The following GRIK4 variants were observed in gnomAD, a reference collection of about 807,000 sequenced individuals.
GRIK4 encodes the protein glutamate receptor ionotropic, kainate 4.
GRIK4 carries 40 observed loss-of-function variants against 104.9 expected under a neutral mutation model. The ratio of observed to expected loss-of-function variants is 0.38; its 90% CI spans 0.30 to 0.50. GRIK4 has a LOEUF of 0.50. GRIK4 is among the 20% of genes least tolerant of loss of function. GRIK4 has a pLI of 0.93. For missense variants in GRIK4, 1,047 were observed against 1,308.1 expected (o/e 0.80, Z 3.08); for synonymous variants, 485 against 524.9 (o/e 0.92, Z 1.04).
chr11:120,543,274 A>G (rs900155798), intron 1 of GRIK4, among the ~76,000 whole-genome samples: 3 of 152,140 alleles, frequency 2.0e-5, no homozygotes, highest in Admixed American at 6.6e-5. Context: ...TAAAACAACA[A>G]AAACAAAAAC....
chr11:120,771,711 C>A (rs1247164852), intron 3 of GRIK4, among the ~76,000 whole-genome samples: 1 of 152,126 alleles, frequency 6.6e-6, no homozygotes, highest in Non-Finnish European at 1.5e-5. Context: ...GAAGAATGAC[C>A]CATAAGACAT....
At chr11:120,889,589 A>AT (rs369264259) in intron 11 of GRIK4, among the ~76,000 whole-genome samples, 29,921 of 61,724 alleles carry the variant, frequency 0.48, 11,265 homozygotes, top group Non-Finnish European at 0.66. Context: ...AAGAGCTTAC[A>AT]TTTTTTTTTT....
chr11:120,984,160 G>C (rs1486214781), intron 20 of GRIK4, among the ~76,000 whole-genome samples: 1 of 152,196 alleles, frequency 6.6e-6, no homozygotes, highest in Non-Finnish European at 1.5e-5. Context: ...CAAGTAGTTA[G>C]AGCAGTCCCA....
chr11:120,802,866 A>G lies in GRIK4; in HGVS notation c.247+9A>G. On this transcript the variant is annotated intron_variant, in intron 4 of 20. Transcript: ENST00000527524. ...CGAGACTGCAGAAACCAGTACGTAG[A>G]CTGGGCAGGGCTGCCTCTTCCCTTG... 6 of 1,613,282 alleles carry G rather than the reference A, an allele frequency of 3.7e-6. No individual in the cohort carries two copies. Among genetic ancestry groups the G allele is most frequent in the Non-Finnish European group, 5.1e-6 (6 of 1,179,276 alleles).
At chr11:120,795,850 T>G (rs1309840144) in intron 3 of GRIK4, among the ~76,000 whole-genome samples, 1 of 152,024 alleles carries the variant, frequency 6.6e-6, no homozygotes, top group Non-Finnish European at 1.5e-5. Flanking sequence ...GACACTCGAG[T>G]CCCTTGTGTA....
At chr11:120,669,981 C>G (rs986814871) in intron 3 of GRIK4, among the ~76,000 whole-genome samples, 1 of 152,210 alleles carries the variant, frequency 6.6e-6, no homozygotes, top group Non-Finnish European at 1.5e-5. Flanking sequence ...ATTGATTCTC[C>G]CCTCCATGCC....
chr11:120,839,889 G>A (rs183162868), intron 8 of GRIK4, among the ~76,000 whole-genome samples: 3 of 152,192 alleles, frequency 2.0e-5, no homozygotes, highest in African/African-American at 4.8e-5. Context: ...ATCACGAATC[G>A]AACTTCTAAA....
intron 1 of GRIK4, among the ~76,000 whole-genome samples, chr11:120,592,853 G>A (rs766574712): frequency 4.6e-5 from 7 of 152,068 alleles, no homozygotes; most frequent in African/African-American, 7.2e-5. Context: ...TGGATCATTC[G>A]CAGCAAGGCA....
intron 1 of GRIK4, among the ~76,000 whole-genome samples, chr11:120,598,420 G>C (rs1451738837): frequency 2.0e-5 from 3 of 152,176 alleles, no homozygotes; most frequent in Non-Finnish European, 4.4e-5. Context: ...CGGCTCCAGG[G>C]ACATTTCCTG....
intron 1 of GRIK4, among the ~76,000 whole-genome samples, chr11:120,558,481 G>A (rs1000000898): frequency 4.6e-5 from 7 of 152,192 alleles, no homozygotes; most frequent in South Asian, 2.1e-4. Context: ...CCAGCTACTC[G>A]GGAGGCTGAA....
chr11:120,769,749 T>A (rs990400892), intron 3 of GRIK4, among the ~76,000 whole-genome samples: 3 of 152,308 alleles, frequency 2.0e-5, no homozygotes, highest in East Asian at 1.9e-4. Flanking sequence ...AGACATGGAA[T>A]GGATAGGAAG....
intron 8 of GRIK4, among the ~76,000 whole-genome samples, chr11:120,847,808 T>C (rs546736688): frequency 2.9e-4 from 44 of 152,276 alleles, no homozygotes; most frequent in African/African-American, 9.9e-4. Flanking sequence ...TGGTGGCTTG[T>C]CACAAATGCC....
chr11:120,561,035 G>A (rs7121316), intron 1 of GRIK4, among the ~76,000 whole-genome samples: 28,052 of 152,186 alleles, frequency 0.18, 5,401 homozygotes, highest in African/African-American at 0.49. Context: ...CCTTTGAATA[G>A]TAGACATTTG....
At chr11:120,659,623 C>T (rs1438634300) in intron 2 of GRIK4, among the ~76,000 whole-genome samples, 1 of 152,216 alleles carries the variant, frequency 6.6e-6, no homozygotes, top group Non-Finnish European at 1.5e-5. Flanking sequence ...CACACCTCTC[C>T]TCAGTGTGCA....
chr11:120,841,228 T>G (rs1321134091), intron 8 of GRIK4, among the ~76,000 whole-genome samples: 2 of 152,044 alleles, frequency 1.3e-5, no homozygotes, highest in African/African-American at 4.8e-5. Flanking sequence ...TTTTTCACCT[T>G]TTCAGAATGA....
chr11:120,878,891 A>G (rs1954889298), intron 11 of GRIK4, among the ~76,000 whole-genome samples: 1 of 152,166 alleles, frequency 6.6e-6, no homozygotes, highest in Admixed American at 6.5e-5. Context: ...TCTCTGCGCA[A>G]ATATTCTCCC....
chr11:120,676,248 T>C (rs1489769277), intron 3 of GRIK4, among the ~76,000 whole-genome samples: 1 of 152,162 alleles, frequency 6.6e-6, no homozygotes, highest in Non-Finnish European at 1.5e-5. Flanking sequence ...GGTTCTCCAA[T>C]CTTAAGGACT....
At chr11:120,722,694 T>C (rs1418507617) in intron 3 of GRIK4, among the ~76,000 whole-genome samples, 1 of 152,186 alleles carries the variant, frequency 6.6e-6, no homozygotes, top group East Asian at 1.9e-4. Flanking sequence ...CTTGGGCTCT[T>C]CTGAAAGGGA....
chr11:120,625,578 A>G (rs1949248183), intron 1 of GRIK4, among the ~76,000 whole-genome samples: 1 of 150,544 alleles, frequency 6.6e-6, no homozygotes, highest in Admixed American at 6.7e-5. Context: ...CTTTCTCTGG[A>G]TCTTTCTGTC....
Sources: gnomAD v4.1 joint callset for allele counts (sites outside exome capture counted in the v4.1 genomes callset) on GRCh38, gnomAD v4.1.1 for gene constraint, MANE v1.5 for transcripts, NCBI Gene and HGNC (gene_info 2026-07-23, HGNC 2026-07-21) for gene names.